TG: variants seen among roughly 807,000 people sequenced by gnomAD.
TG encodes thyroid hormones.
A neutral mutation model predicts 324.7 loss-of-function variants in TG; 270 were observed. The observed-to-expected ratio is 0.83, with a 90% CI of 0.75 to 0.92. The LOEUF (loss-of-function observed/expected upper bound fraction) is 0.92, where lower values mean the gene tolerates loss of function less well. Among genes scored for constraint, TG ranks in the 40% least tolerant of loss-of-function variants. TG has a pLI of 0.00. For missense variants in TG, 3,591 were observed against 3,456.4 expected (o/e 1.04, Z -0.98); for synonymous variants, 1,401 against 1,327.0 (o/e 1.06, Z -1.21).
Position 132,895,916 on chromosome 8 carries a change from C to T in TG, c.3002-1733C>T, listed in dbSNP as rs997011891. Among the ~76,000 whole-genome samples, 7 of 152,210 alleles carry T rather than the reference C, an allele frequency of 4.6e-5. No individual in the cohort carries two copies. The East Asian group carries it at 1.2e-3, about 25-fold the overall frequency. ...AAGTTCCTCTCCAAGTAGCCACATGCTCCGCTTTGCATGTCTGAGCTTGTA... is the reference window on the plus strand; with the variant it reads ...AAGTTCCTCTCCAAGTAGCCACATGTTCCGCTTTGCATGTCTGAGCTTGTA... On this transcript the variant is annotated intron_variant, in intron 11 of 47. Coordinates refer to ENST00000220616, the MANE Select transcript of TG (RefSeq NM_003235.5).
Position 133,131,964 on chromosome 8 carries a change from G to T in TG, c.7997+18G>T, listed in dbSNP as rs778272932. On this transcript the variant is annotated intron_variant, in intron 46 of 47. Transcript: ENST00000220616. Reference sequence around the variant, plus strand: ...AGATCAGGGTAATTTTGGACCACTTGTTCAGAATTCTGTCACTGTGCTTTT... The same window carrying T: ...AGATCAGGGTAATTTTGGACCACTTTTTCAGAATTCTGTCACTGTGCTTTT... The T allele has an allele frequency of 1.3e-5, 21 of 1,613,734 alleles. No individual in the cohort carries two copies. The African/African-American group carries it at 1.6e-4, about 12-fold the overall frequency.
chr8:132,966,515 C>T, intron 29 of TG, 45 bp from the exon 30 acceptor site: 3 of 1,612,134 alleles, frequency 1.9e-6, no homozygotes, highest in Non-Finnish European at 2.5e-6. Context: ...CTCATATTCA[C>T]TAGAGTTAAA....
Position 132,901,386 on chromosome 8 carries a change from T to A in TG, c.3467T>A (p.Val1156Asp). The A allele has an allele frequency of 6.2e-7, 1 of 1,613,940 alleles. No homozygotes were observed. The highest frequency in any genetic ancestry group is 8.5e-7 in the Non-Finnish European group (1 of 1,179,976). Residue 1156 changes from valine (V) to aspartate (D), a missense_variant, in exon 16 of 48, where the codon GTC becomes GAC. By Grantham distance (152) the Val-to-Asp change is radical. Coordinates refer to ENST00000220616, the MANE Select transcript of TG (RefSeq NM_003235.5). ...PSLCNVLKSG[V>D]LSRRVSPGYV... ...CTCTGCAATGTGCTCAAGAGTGGAG[T>A]CCTCTCCAGGAGAGTCAGCCCAGGC...
At chr8:133,115,003 C>A (rs977690808) in intron 44 of TG, among the ~76,000 whole-genome samples, 6 of 152,130 alleles carry the variant, frequency 3.9e-5, no homozygotes, top group Non-Finnish European at 8.8e-5. Context: ...TTTTGGGAGG[C>A]CTTGCCCTGG....
At position 133,050,947 on chromosome 8, in the gene TG, A is replaced by C. The variant is rs764406064; in HGVS notation, c.7239+20924A>C. On this transcript the variant is annotated intron_variant, in intron 41 of 47. Coordinates refer to ENST00000220616, the MANE Select transcript of TG (RefSeq NM_003235.5). ...AAACAAAGGCAAGGGGGAAGGGGGC[A>C]AGGTGCTTTTTATTCACAAGGAGCT... 3 of 1,341,536 alleles carry C rather than the reference A, an allele frequency of 2.2e-6. No homozygotes were observed. In the South Asian group the frequency reaches 3.5e-5, roughly 16 times the overall value. 83.1% of individuals were successfully genotyped at this position (1,341,536 alleles called of 1,614,324 possible). A position where few individuals can be genotyped will look rare whatever the true frequency, so the allele number is the denominator to read the frequency against.
chr8:132,961,163 C>A, intron 28 of TG, 90 bp downstream of exon 28: 1 of 1,291,108 alleles, frequency 7.7e-7, no homozygotes, highest in Non-Finnish European at 1.1e-6. Flanking sequence ...CACTCTATTT[C>A]TGTAGAGGAA....
chr8:133,028,693 G>A (rs1302329835), intron 40 of TG, among the ~76,000 whole-genome samples: 1 of 152,206 alleles, frequency 6.6e-6, no homozygotes, highest in African/African-American at 2.4e-5. Context: ...GCCCCTCAAG[G>A]CTGTAAGTGG....
At chr8:132,877,299 A>G (rs1233486182) in intron 5 of TG, among the ~76,000 whole-genome samples, 4 of 151,896 alleles carry the variant, frequency 2.6e-5, no homozygotes, top group Non-Finnish European at 4.4e-5. Flanking sequence ...GCCACCCCAC[A>G]TGGCTAATTT....
intron 35 of TG, among the ~76,000 whole-genome samples, chr8:133,004,189 A>AG (rs202030762): frequency 9.0e-6 from 1 of 110,972 alleles, no homozygotes; most frequent in Non-Finnish European, 1.8e-5. Context: ...TTCTCCTCCA[A>AG]GGCTTAGGGC....
At chr8:133,039,790 C>T (rs570386527) in intron 41 of TG, among the ~76,000 whole-genome samples, 5 of 152,314 alleles carry the variant, frequency 3.3e-5, no homozygotes, top group South Asian at 2.1e-4. Flanking sequence ...CCACACACCT[C>T]GTGAGGCCTG....
chr8:133,017,748 C>T (rs754672882), intron 37 of TG, 30 bp from the exon 38 acceptor site: 1 of 1,608,014 alleles, frequency 6.2e-7, no homozygotes, highest in South Asian at 1.1e-5. Flanking sequence ...TCTCCCCTTC[C>T]TCACCCCTTT....
intron 27 of TG, among the ~76,000 whole-genome samples, chr8:132,952,443 A>G (rs761185853): frequency 2.0e-5 from 3 of 152,194 alleles, no homozygotes; most frequent in Non-Finnish European, 4.4e-5. Context: ...AAGTGCTGGC[A>G]GGCTTCCCAG....
intron 16 of TG, among the ~76,000 whole-genome samples, chr8:132,904,671 C>T (rs931879001): frequency 2.6e-5 from 4 of 152,274 alleles, no homozygotes; most frequent in African/African-American, 9.6e-5. Context: ...ATGTTTGTGG[C>T]CCCAGGAGGA....
At chr8:133,019,782 C>A in intron 39 of TG, 87 bp downstream of exon 39, 1 of 1,166,630 alleles carries the variant, frequency 8.6e-7, no homozygotes, top group Non-Finnish European at 1.3e-6. Flanking sequence ...ACAGTTCAGT[C>A]TCCTCCTCTG....
intron 5 of TG, among the ~76,000 whole-genome samples, chr8:132,881,567 A>G (rs757385693): frequency 2.0e-5 from 3 of 152,180 alleles, no homozygotes; most frequent in Non-Finnish European, 4.4e-5. Flanking sequence ...GCCTTGCCCT[A>G]TGAGACAAAC....
chr8:133,005,281 G>A (rs1345245202), intron 35 of TG, among the ~76,000 whole-genome samples: 2 of 152,174 alleles, frequency 1.3e-5, no homozygotes, highest in Admixed American at 1.3e-4. Flanking sequence ...CTGGGACAGG[G>A]GGACAGGGGG....
At position 133,096,301 on chromosome 8, in the gene TG, A is replaced by C. The variant is rs778391676; in HGVS notation, c.7500A>C (p.Leu2500Phe). The C allele has an allele frequency of 1.9e-6, 3 of 1,614,010 alleles. No homozygotes were observed. Among genetic ancestry groups the C allele is most frequent in the Non-Finnish European group, 2.5e-6 (3 of 1,180,046 alleles). ...EPPARALKRS[L>F]WVEVDLLIGS... The stretch of plus-strand genomic sequence containing the variant: ...CAGCCAGAGCACTGAAGAGGTCTTT[A>C]TGGGTAGAGGTCGATCTGCTCATTG... Residue 2500 changes from leucine (L) to phenylalanine (F), a missense_variant, in exon 43 of 48, where the codon TTA becomes TTC. Physicochemically the swap from Leu to Phe is conservative, Grantham distance 22 (BLOSUM62 0). Coordinates refer to ENST00000220616, the MANE Select transcript of TG (RefSeq NM_003235.5).
intron 39 of TG, among the ~76,000 whole-genome samples, chr8:133,021,787 T>C (rs1243106894): frequency 1.3e-5 from 2 of 152,182 alleles, no homozygotes; most frequent in African/African-American, 4.8e-5. Context: ...TTAGACACTA[T>C]CTCCAAATAC....
intron 27 of TG, among the ~76,000 whole-genome samples, chr8:132,959,161 G>T (rs2142382): frequency 0.48 from 72,393 of 152,072 alleles, 17,808 homozygotes; most frequent in Admixed American, 0.56. Context: ...TCTCACCTTT[G>T]TGTCCTAGAA....
Sources: allele counts gnomAD v4.1 joint callset (sites outside exome capture counted in the v4.1 genomes callset), GRCh38; gene constraint gnomAD v4.1.1; transcripts MANE v1.5; gene names NCBI Gene and HGNC (gene_info 2026-07-23, HGNC 2026-07-21).